Variants in GAD1 observed in about 807,000 individuals in gnomAD.
GAD1 encodes the protein glutamate decarboxylase 1.
A neutral mutation model predicts 75.2 loss-of-function variants in GAD1; 35 were observed. The observed-to-expected ratio is 0.47, with a 90% confidence interval of 0.36 to 0.62. The LOEUF (loss-of-function observed/expected upper bound fraction) is 0.62. GAD1 is among the 20% of genes least tolerant of loss of function. The probability of loss-of-function intolerance (pLI) is 0.00; values close to 1 mark genes in which losing one functional copy is unlikely to be tolerated. For synonymous variants in GAD1, 257 were observed against 271.9 expected, an observed-to-expected ratio of 0.95 and a Z score of 0.54; for missense variants, 490 against 758.5, an observed-to-expected ratio of 0.65 and a Z score of 4.16.
intron 6 of GAD1, chr2:170,842,550 C>G: frequency 1.2e-6 from 2 of 1,612,196 alleles, no homozygotes; most frequent in Non-Finnish European, 1.7e-6. Context: ...GAATCCTTCT[C>G]TTCTTCTTCC....
At chr2:170,827,292 G>A (rs558819031) in intron 3 of GAD1, among the ~76,000 whole-genome samples, 27 of 152,346 alleles carry the variant, frequency 1.8e-4, no homozygotes, top group South Asian at 4.1e-4. Flanking sequence ...TTTCTTCCAA[G>A]TCTGCCTTGT....
At chr2:170,823,517 G>T (rs1262081858) in intron 3 of GAD1, among the ~76,000 whole-genome samples, 10 of 152,160 alleles carry the variant, frequency 6.6e-5, no homozygotes, top group African/African-American at 2.4e-4. Flanking sequence ...CAGCCCTGCC[G>T]CCGGGCGGCC....
chr2:170,834,014 G>A (rs57631784), intron 5 of GAD1, among the ~76,000 whole-genome samples: 36,314 of 143,712 alleles, frequency 0.25, 4,483 homozygotes, highest in South Asian at 0.37. Context: ...AAAAAAAAAA[G>A]AGAGAGAGAG....
chr2:170,845,630 G>A lies in GAD1; in HGVS notation c.867+9G>A, dbSNP rs369785577. ...TCTTCACCTCAGAACAGGTGAGTCGGGGATGCTTTCTCATGGATAGTGGTG... is the reference window on the plus strand; with the variant it reads ...TCTTCACCTCAGAACAGGTGAGTCGAGGATGCTTTCTCATGGATAGTGGTG... On this transcript the variant is annotated intron_variant, in intron 8 of 16. Coordinates refer to ENST00000358196, the MANE Select transcript of GAD1 (RefSeq NM_000817.3). 6 of 1,613,560 alleles carry A rather than the reference G, an allele frequency of 3.7e-6. No homozygotes were observed. Among genetic ancestry groups the A allele is most frequent in the Admixed American group, 1.7e-5 (1 of 59,990 alleles).
At chr2:170,856,921 T>C in intron 14 of GAD1, 97 bp from the exon 15 acceptor site, 2 of 966,578 alleles carry the variant, frequency 2.1e-6, no homozygotes, top group South Asian at 2.6e-5. Context: ...AAAAATACTT[T>C]TTTTGTTTAT....
intron 10 of GAD1, among the ~76,000 whole-genome samples, chr2:170,846,401 T>C (rs1354098922): frequency 2.0e-5 from 3 of 152,254 alleles, no homozygotes; most frequent in Admixed American, 2.0e-4. Flanking sequence ...TTGGGTATTA[T>C]CTCATTTTAA....
chr2:170,860,139 G>T lies in GAD1; in HGVS notation c.*257G>T. ...ACCTCTCTCTATATATACATGTATA[G>T]TGAGTGTGGCTTAGTAATAGATCAC... On this transcript the variant is annotated 3_prime_UTR_variant, in exon 17 of 17. Coordinates refer to ENST00000358196, the MANE Select transcript of GAD1 (RefSeq NM_000817.3). 1 of 443,254 alleles carries T rather than the reference G, an allele frequency of 2.3e-6. No individual in the cohort carries two copies. 27.5% of individuals were successfully genotyped at this position (443,254 alleles called of 1,614,324 possible).
At chr2:170,858,743 G>C in intron 15 of GAD1, 61 bp from the exon 16 acceptor site, 7 of 1,501,908 alleles carry the variant, frequency 4.7e-6, no homozygotes, top group Non-Finnish European at 6.5e-6. Context: ...ATATTGGTTT[G>C]GGAACAGCTT....
chr2:170,850,153 G>A (rs1702718393), intron 12 of GAD1, among the ~76,000 whole-genome samples: 1 of 152,176 alleles, frequency 6.6e-6, no homozygotes, highest in African/African-American at 2.4e-5. Context: ...ATGCATATCT[G>A]ATAAATGCAG....
chr2:170,821,804 C>T, intron 2 of GAD1: 1 of 489,250 alleles, frequency 2.0e-6, no homozygotes, highest in Non-Finnish European at 3.7e-6. Flanking sequence ...TCCGGAGCTG[C>T]CGGGCGGGGG....
intron 5 of GAD1, among the ~76,000 whole-genome samples, chr2:170,831,531 G>A (rs1702223581): frequency 6.6e-6 from 1 of 151,072 alleles, no homozygotes; most frequent in African/African-American, 2.4e-5. Flanking sequence ...AAGGTGGGCA[G>A]AACACTTGAG....
chr2:170,848,002 T>A (rs567893950), intron 11 of GAD1, among the ~76,000 whole-genome samples: 41 of 152,308 alleles, frequency 2.7e-4, no homozygotes, highest in African/African-American at 9.9e-4. Context: ...TCCTTACTAG[T>A]CGATTGCTGT....
chr2:170,824,052 G>T (rs3791867), intron 3 of GAD1, among the ~76,000 whole-genome samples: 52,482 of 151,700 alleles, frequency 0.35, 10,021 homozygotes, highest in Non-Finnish European at 0.44. Context: ...AGGGAAGCCG[G>T]AGTTGGCCTC....
intron 3 of GAD1, among the ~76,000 whole-genome samples, chr2:170,824,378 T>TACACACACACACACACACACAC (rs10529529): frequency 6.8e-6 from 1 of 146,306 alleles, no homozygotes; most frequent in Non-Finnish European, 1.5e-5. Context: ...CCTGCCTGCC[T>TACACACACACACACACACACAC]ACACACACAC....
chr2:170,824,321 G>A (rs961777399), intron 3 of GAD1, among the ~76,000 whole-genome samples: 1 of 151,904 alleles, frequency 6.6e-6, no homozygotes, highest in African/African-American at 2.4e-5. Flanking sequence ...TTTTAATCTA[G>A]TGGAGGCAGA....
At chr2:170,843,370 T>G (rs532318482) in intron 6 of GAD1, among the ~76,000 whole-genome samples, 4 of 152,160 alleles carry the variant, frequency 2.6e-5, no homozygotes, top group Admixed American at 1.3e-4. Context: ...TTATTTATAA[T>G]TTGTAATTAG....
At chr2:170,845,666 G>A (rs1383093027) in intron 8 of GAD1, 40 bp from the exon 9 acceptor site, 1 of 1,612,854 alleles carries the variant, frequency 6.2e-7, no homozygotes, top group African/African-American at 1.3e-5. Context: ...TTTTTTAGGG[G>A]ACTTTCCAAC....
intron 11 of GAD1, 94 bp downstream of exon 11, chr2:170,847,886 C>G (rs769408): frequency 0.013 from 10,531 of 828,924 alleles, 129 homozygotes; most frequent in Non-Finnish European, 0.018. Context: ...CCCCAGCCAG[C>G]CCTCTCTCCA....
At chr2:170,852,882 T>C in intron 13 of GAD1, 90 bp downstream of exon 13, 1 of 1,132,370 alleles carries the variant, frequency 8.8e-7, no homozygotes, top group East Asian at 2.4e-5. Context: ...CAGTACTTGT[T>C]GGCTGACTCA....
Sources: allele counts gnomAD v4.1 joint callset (sites outside exome capture counted in the v4.1 genomes callset), GRCh38; gene constraint gnomAD v4.1.1; transcripts MANE v1.5; gene names NCBI Gene and HGNC (gene_info 2026-07-23, HGNC 2026-07-21).